HLA-DPA1: variants seen among roughly 807,000 people sequenced by gnomAD.
HLA-DPA1 encodes HLA class II histocompatibility antigen, DP alpha 1 chain.
In HLA-DPA1, 20 loss-of-function variants were observed where a neutral mutation model predicts 21.5. The ratio of observed to expected loss-of-function variants is 0.93; its 90% CI spans 0.66 to 1.35. The LOEUF is 1.35. HLA-DPA1 is among the 40% of genes most tolerant of loss of function. The probability of loss-of-function intolerance (pLI) is 0.00; values close to 1 mark genes in which losing one functional copy is unlikely to be tolerated. For missense variants in HLA-DPA1, 279 were observed against 323.0 expected, an observed-to-expected ratio of 0.86 and a Z score of 1.05; for synonymous variants, 123 against 129.6, an observed-to-expected ratio of 0.95 and a Z score of 0.35.
chr6:33,069,320 G>T lies in HLA-DPA1; in HGVS notation c.347-20C>A, dbSNP rs573850653. 12 of 1,605,130 alleles carry T rather than the reference G, an allele frequency of 7.5e-6. No homozygotes were observed. In the South Asian group the frequency reaches 1.1e-4, roughly 15 times the overall value. ...GGGGATCTGGAAGGAGACAGCACCA[G>T]GTTAGGCCCCTCTTCTGGGATGAAT... On this transcript the variant is annotated intron_variant, in intron 3 of 5. Coordinates refer to ENST00000419277, the Ensembl canonical transcript of HLA-DPA1.
rs746175208 is a variant in HLA-DPA1, at chr6:33,068,636, A to G, written c.*12+2T>C. On this transcript the variant is annotated splice_donor_variant, in intron 5 of 5. Transcript: ENST00000419277. LOFTEE classifies it low-confidence loss of function (3UTR_SPLICE). ...CCTAGGGCCTCCTCTTTACATTCCCACCTTTACAGTATTTCACAGGGTCCC... is the reference window on the plus strand; with the variant it reads ...CCTAGGGCCTCCTCTTTACATTCCCGCCTTTACAGTATTTCACAGGGTCCC... 1.2e-6 allele frequency: 2 copies of G among 1,604,026 alleles called. No individual in the cohort carries two copies. The highest frequency in any genetic ancestry group is 1.1e-5 in the South Asian group (1 of 90,042).
intron 1 of HLA-DPA1, chr6:33,079,864 G>T: frequency 3.1e-6 from 1 of 318,762 alleles, no homozygotes; most frequent in South Asian, 2.7e-5. Context: ...TGAGTAGAAA[G>T]TTCATGTCCA....
chr6:33,076,694 A>T (rs1253864703), intron 1 of HLA-DPA1, among the ~76,000 whole-genome samples: 2 of 152,174 alleles, frequency 1.3e-5, no homozygotes, highest in Non-Finnish European at 2.9e-5. Context: ...TACTTCTCCC[A>T]GCCTCCCCAG....
chr6:33,068,605 A>G, intron 5 of HLA-DPA1, 33 bp downstream of exon 4: 1 of 1,536,480 alleles, frequency 6.5e-7, no homozygotes, highest in Non-Finnish European at 8.8e-7. Context: ...CTTACATTCT[A>G]CAAATCCTAG....
chr6:33,073,409 GCAATTGATGTGAACCACCCCAT>G, intron 2 of HLA-DPA1, 40 bp downstream of exon 1: 1 of 1,003,330 alleles, frequency 1.0e-6, no homozygotes, highest in South Asian at 1.3e-5. Context: ...CCCTGAAGCA[GCAATTGATGTGAACCACCCCAT>G]CACTCACCCC....
chr6:33,068,855 T>C (rs1427713342), intron 4 of HLA-DPA1, 51 bp from the exon 4 acceptor site: 2 of 1,589,440 alleles, frequency 1.3e-6, no homozygotes, highest in South Asian at 1.1e-5. Context: ...AGGGTGGTGA[T>C]GGCCTGGGAT....
chr6:33,076,292 C>T (rs181313649), intron 1 of HLA-DPA1: 4 of 621,232 alleles, frequency 6.4e-6, no homozygotes, highest in African/African-American at 1.8e-5. Flanking sequence ...AGAGGTTCAT[C>T]CCCTATAGGA....
At chr6:33,067,465 T>C (rs888571818) in intron 5 of HLA-DPA1, 4 of 152,228 alleles carry the variant, frequency 2.6e-5, no homozygotes, top group African/African-American at 7.2e-5. Flanking sequence ...GAGTAAAAGC[T>C]TCCAGAATCC....
intron 2 of HLA-DPA1, among the ~76,000 whole-genome samples, chr6:33,070,693 C>CT (rs907373776): frequency 3.3e-5 from 5 of 151,972 alleles, no homozygotes; most frequent in Non-Finnish European, 5.9e-5. Flanking sequence ...CTTTTGTTTC[C>CT]TTTTTAAAAA....
At chr6:33,068,688 G>T (rs766076005) in exon 5 of HLA-DPA1, 1 of 1,612,856 alleles carries the variant, frequency 6.2e-7, no homozygotes, top group Non-Finnish European at 8.5e-7. Context: ...TGGCCAGAAC[G>T]CAGAGACTTT....
At chr6:33,065,128 T>C (rs1042872) in exon 6 of HLA-DPA1, 43,921 of 151,320 alleles carry the variant, frequency 0.29, 8,390 homozygotes, top group East Asian at 0.69. Flanking sequence ...ATCTCCATAT[T>C]AGTGCTACCA....
chr6:33,071,103 T>G lies in HLA-DPA1; in HGVS notation c.101-1217A>C, dbSNP rs150862447. Among the ~76,000 whole-genome samples, 541 of 150,396 alleles carry G rather than the reference T, an allele frequency of 3.6e-3. 2 individuals are homozygous for G. Among genetic ancestry groups the G allele is most frequent in the East Asian group, 0.027 (133 of 4,938 alleles). ...AACTCACAGATTTCCCTGTGAGTTT[T>G]CAGCCCTGACATGTGGGGACCCAGT... On this transcript the variant is annotated intron_variant, in intron 2 of 5. Transcript: ENST00000419277.
chr6:33,074,138 T>G (rs772451372), intron 1 of HLA-DPA1, among the ~76,000 whole-genome samples: 19 of 152,218 alleles, frequency 1.2e-4, no homozygotes, highest in Admixed American at 8.5e-4. Flanking sequence ...TGCAGAAGTG[T>G]TATAATTTCT....
At chr6:33,078,358 G>T (rs974855524) in intron 1 of HLA-DPA1, among the ~76,000 whole-genome samples, 2 of 152,128 alleles carry the variant, frequency 1.3e-5, no homozygotes, top group African/African-American at 4.8e-5. Context: ...GGGCAGGGCT[G>T]ATTCCACAAT....
intron 2 of HLA-DPA1, among the ~76,000 whole-genome samples, chr6:33,070,976 T>A (rs1762247770): frequency 6.6e-6 from 1 of 152,188 alleles, no homozygotes; most frequent in Non-Finnish European, 1.5e-5. Flanking sequence ...GCAACTATTA[T>A]CATGAAAGAA....
chr6:33,074,199 T>A (rs1762427890), intron 1 of HLA-DPA1, among the ~76,000 whole-genome samples: 1 of 152,238 alleles, frequency 6.6e-6, no homozygotes, highest in South Asian at 2.1e-4. Flanking sequence ...ATTGTTTATC[T>A]ATTCCTGGTT....
chr6:33,078,061 G>A (rs2073522), intron 1 of HLA-DPA1, among the ~76,000 whole-genome samples: 16,920 of 151,928 alleles, frequency 0.11, 1,654 homozygotes, highest in East Asian at 0.58. Flanking sequence ...CGGATGCAGC[G>A]CCCCCATCCC....
chr6:33,080,523 C>G lies in HLA-DPA1; in HGVS notation c.-100+157G>C. 8.7e-7 allele frequency: 1 copy of G among 1,155,916 alleles called. No individual in the cohort carries two copies. The highest frequency in any genetic ancestry group is 1.3e-6 in the Non-Finnish European group (1 of 786,986). The allele number at this position is 1,155,916 out of a possible 1,614,324, so 71.6% of individuals were successfully genotyped here. ...GAGAGGCTCTGCGACCCGCTTAGGA[C>G]CACAGAACTCGGTACTAGGAAAACT... is the stretch of plus-strand genomic sequence containing the variant. On this transcript the variant is annotated intron_variant, in intron 1 of 5. Transcript: ENST00000419277. The surrounding 1 kb of genome is among the most constrained non-coding windows in gnomAD (Gnocchi z 4.3).
intron 1 of HLA-DPA1, chr6:33,076,055 A>T: frequency 6.2e-7 from 1 of 1,612,010 alleles, no homozygotes; most frequent in Non-Finnish European, 8.5e-7. Context: ...ATGGTTCTGC[A>T]GGTTTCTGCG....
Sources: allele counts gnomAD v4.1 joint callset (sites outside exome capture counted in the v4.1 genomes callset), GRCh38; gene constraint gnomAD v4.1.1; non-coding constraint Gnocchi (gnomAD v3.1); transcripts MANE v1.5; gene names NCBI Gene and HGNC (gene_info 2026-07-23, HGNC 2026-07-21).